ADGRF5: variants seen among roughly 807,000 people sequenced by gnomAD.
The protein encoded by ADGRF5 is adhesion G protein-coupled receptor F5.
Under a neutral mutation model 132.3 loss-of-function variants are expected in ADGRF5, and 75 were observed. The ratio of observed to expected loss-of-function variants is 0.57; its 90% confidence interval spans 0.47 to 0.69. The LOEUF (loss-of-function observed/expected upper bound fraction) is 0.69, where lower values mean the gene tolerates loss of function less well. Among genes scored for constraint, ADGRF5 ranks in the 30% least tolerant of loss-of-function variants. The probability of loss-of-function intolerance (pLI) is 0.00; values close to 1 mark genes in which losing one functional copy is unlikely to be tolerated. For missense variants in ADGRF5, 1,516 were observed against 1,630.6 expected (o/e 0.93, Z 1.21); for synonymous variants, 629 against 597.6 (o/e 1.05, Z -0.77).
intron 1 of ADGRF5, among the ~76,000 whole-genome samples, chr6:46,919,498 C>T (rs149643055): frequency 2.0e-5 from 3 of 152,312 alleles, no homozygotes; most frequent in Non-Finnish European, 2.9e-5. Context: ...GCCTCATTAA[C>T]GTGAGGAGGT....
chr6:46,897,836 G>T (rs568495214), intron 3 of ADGRF5, among the ~76,000 whole-genome samples: 2 of 152,146 alleles, frequency 1.3e-5, no homozygotes, highest in African/African-American at 4.8e-5. Context: ...GAGCCACCAC[G>T]CTGAGTCATG....
chr6:46,916,958 A>G (rs895400039), intron 1 of ADGRF5, among the ~76,000 whole-genome samples: 4 of 152,220 alleles, frequency 2.6e-5, no homozygotes, highest in Non-Finnish European at 5.9e-5. Flanking sequence ...TATTCTTGGT[A>G]ACTGAAATGC....
chr6:46,896,221 A>C (rs1459872521), intron 3 of ADGRF5, among the ~76,000 whole-genome samples: 1 of 151,980 alleles, frequency 6.6e-6, no homozygotes, highest in Non-Finnish European at 1.5e-5. Flanking sequence ...CGCTCAGCTG[A>C]TCCAGAATCT....
rs949801139 is a variant in ADGRF5 at position 46,921,699 on chromosome 6, G to C, written c.-25+14C>G. ...GACAGAATGACAGACCGCAGTAGGA[G>C]AAATGTCTGTTACCTGTCCAGCACT... On this transcript the variant is annotated intron_variant, in intron 1 of 20. Transcript: ENST00000283296. 3 of 152,258 alleles carry C rather than the reference G, an allele frequency of 2.0e-5. No individual in the cohort carries two copies. The highest frequency in any genetic ancestry group is 7.2e-5 in the African/African-American group (3 of 41,456). The allele number at this position is 152,258 out of a possible 1,614,324, so 9.4% of individuals were successfully genotyped here.
At chr6:46,881,973 C>G (rs1772524438) in intron 7 of ADGRF5, 76 bp downstream of exon 7, 1 of 1,085,664 alleles carries the variant, frequency 9.2e-7, no homozygotes, top group Non-Finnish European at 1.4e-6. Context: ...TAATGCCTCT[C>G]TAGGGGGTTT....
At position 46,921,884 on chromosome 6, in the gene ADGRF5, C is replaced by T. The variant is rs139388950; in HGVS notation, c.-196G>A. The T allele has an allele frequency of 0.01, 1,567 of 152,506 alleles. 23 individuals are homozygous for T. Among genetic ancestry groups the T allele is most frequent in the African/African-American group, 0.034 (1,408 of 41,576 alleles). 9.4% of individuals were successfully genotyped at this position (152,506 alleles called of 1,614,324 possible). On this transcript the variant is annotated 5_prime_UTR_variant, in exon 1 of 21. Coordinates refer to ENST00000283296, the MANE Select transcript of ADGRF5 (RefSeq NM_001098518.2). ...TCGCGTTTTCAGGCAGGACTGGCAG[C>T]ACCGCTCCCACGCTCAGCCTCCCCC...
chr6:46,893,240 G>A lies in ADGRF5; in HGVS notation c.158-4735C>T, dbSNP rs1773846100. ...AGATAGCAACCCTCTTGGCTTGCTTGAGGAATAGCAAGAAGATGCCCTCAA... is the reference window on the plus strand; with the variant it reads ...AGATAGCAACCCTCTTGGCTTGCTTAAGGAATAGCAAGAAGATGCCCTCAA... On this transcript the variant is annotated intron_variant, in intron 3 of 20. Transcript: ENST00000283296. 2.0e-5 allele frequency among the ~76,000 whole-genome samples: 3 copies of A among 152,054 alleles called. No individual in the cohort carries two copies. The South Asian group carries it at 6.2e-4, about 32-fold the overall frequency.
At chr6:46,857,177 C>T (rs1291442772) in intron 17 of ADGRF5, among the ~76,000 whole-genome samples, 2 of 152,222 alleles carry the variant, frequency 1.3e-5, no homozygotes, top group African/African-American at 2.4e-5. Context: ...GCTATTAATA[C>T]ACCTCTTGTG....
intron 2 of ADGRF5, 149 bp from the exon 3 acceptor site, chr6:46,900,232 T>C (rs1271376973): frequency 9.2e-6 from 6 of 651,086 alleles, no homozygotes; most frequent in Non-Finnish European, 1.4e-5. Context: ...GCTGGGCACA[T>C]AGCAATGAAA....
At chr6:46,896,093 A>G (rs1268946041) in intron 3 of ADGRF5, among the ~76,000 whole-genome samples, 24 of 152,062 alleles carry the variant, frequency 1.6e-4, no homozygotes, top group Admixed American at 1.6e-3. Context: ...GCATGTCTAG[A>G]CTGCCGAGCC....
At chr6:46,933,095 G>T (rs1400008809) in intron 1 of ADGRF5, among the ~76,000 whole-genome samples, 1 of 152,180 alleles carries the variant, frequency 6.6e-6, no homozygotes, top group Non-Finnish European at 1.5e-5. Context: ...ACTTTCTGAA[G>T]TTCAACTCCT....
At chr6:46,893,058 ATTTTTTT>A (rs35014340) in intron 3 of ADGRF5, among the ~76,000 whole-genome samples, 1 of 86,734 alleles carries the variant, frequency 1.2e-5, no homozygotes, top group Non-Finnish European at 2.1e-5. Context: ...GACAACAGGG[ATTTTTTT>A]TTTTTTTTTT....
intron 1 of ADGRF5, among the ~76,000 whole-genome samples, chr6:46,928,849 C>T (rs1373742046): frequency 1.3e-5 from 2 of 152,228 alleles, no homozygotes; most frequent in African/African-American, 4.8e-5. Flanking sequence ...ACAACAGGTG[C>T]TGGAGAGGAT....
upstream of ADGRF5, among the ~76,000 whole-genome samples, chr6:46,922,987 C>T (rs1023880726): frequency 6.6e-6 from 1 of 152,198 alleles, no homozygotes; most frequent in South Asian, 2.1e-4. Context: ...AGTCCAGTGG[C>T]GCGATCTTGG....
chr6:46,900,471 C>A (rs1289593797), intron 2 of ADGRF5, among the ~76,000 whole-genome samples: 1 of 152,312 alleles, frequency 6.6e-6, no homozygotes, highest in East Asian at 1.9e-4. Flanking sequence ...AGTCTCACGA[C>A]CTCCTTCTCA....
At chr6:46,951,558 G>A (rs1248054715) in intron 1 of ADGRF5, among the ~76,000 whole-genome samples, 2 of 152,330 alleles carry the variant, frequency 1.3e-5, no homozygotes, top group South Asian at 2.1e-4. Context: ...TAGTCAGAAA[G>A]GGAATCCTTT....
At chr6:46,891,804 G>A (rs540741169) in intron 3 of ADGRF5, among the ~76,000 whole-genome samples, 1 of 152,292 alleles carries the variant, frequency 6.6e-6, no homozygotes, top group Admixed American at 6.5e-5. Flanking sequence ...GAACTAAGAG[G>A]AAAGGCTCTT....
Position 46,852,528 on chromosome 6 carries a change from G to A in ADGRF5, c.*1464C>T, listed in dbSNP as rs1768606766. ...TATTTTTGTCTCATTCTCCTTTTGGGATCGGACTTTTATTTGCAATGTAGC... is the reference window on the plus strand; with the variant it reads ...TATTTTTGTCTCATTCTCCTTTTGGAATCGGACTTTTATTTGCAATGTAGC... On this transcript the variant is annotated 3_prime_UTR_variant, in exon 21 of 21. Coordinates refer to ENST00000283296, the MANE Select transcript of ADGRF5 (RefSeq NM_001098518.2). The A allele has an allele frequency of 6.6e-6, 1 of 152,070 alleles. No individual in the cohort carries two copies. The highest frequency in any genetic ancestry group is 2.4e-5 in the African/African-American group (1 of 41,372). The allele number at this position is 152,070 out of a possible 1,614,324, so 9.4% of individuals were successfully genotyped here.
At chr6:46,927,427 T>C (rs373280401) in intron 1 of ADGRF5, among the ~76,000 whole-genome samples, 2 of 152,198 alleles carry the variant, frequency 1.3e-5, no homozygotes, top group East Asian at 3.9e-4. Context: ...AATTCAGATC[T>C]TGTGTCTCTG....
Sources: gnomAD v4.1 joint callset for allele counts (sites outside exome capture counted in the v4.1 genomes callset) on GRCh38, gnomAD v4.1.1 for gene constraint, MANE v1.5 for transcripts, NCBI Gene and HGNC (gene_info 2026-07-23, HGNC 2026-07-21) for gene names.